LRRC37A2: variants seen among roughly 807,000 people sequenced by gnomAD.
The protein encoded by LRRC37A2 is leucine rich repeat containing 37 member A2.
In LRRC37A2, 9 loss-of-function variants were observed where a neutral mutation model predicts 68.8. The ratio of observed to expected loss-of-function variants is 0.13; its 90% CI spans 0.08 to 0.23. The LOEUF (loss-of-function observed/expected upper bound fraction) is 0.23. Ranked by LOEUF, LRRC37A2 falls within the 10% of genes least tolerant of loss-of-function variation. The pLI is 1.00. For missense variants in LRRC37A2, 168 were observed against 950.4 expected (o/e 0.18, Z 10.82); for synonymous variants, 63 against 367.6 (o/e 0.17, Z 9.48).
chr17:46,945,409 A>G, the LRRC37A2 span, among the ~76,000 whole-genome samples: 74 of 152,198 alleles, frequency 4.9e-4, 1 homozygote, highest in Admixed American at 1.2e-3. Flanking sequence ...TTGAGGTGCA[A>G]CGTAGTGTGA....
the LRRC37A2 span, among the ~76,000 whole-genome samples, chr17:46,826,964 A>G: frequency 8.1e-3 from 1,233 of 152,200 alleles, 18 homozygotes; most frequent in African/African-American, 0.029. Flanking sequence ...TTTAATAGAG[A>G]TAGAATTTCA....
chr17:46,894,244 C>T, the LRRC37A2 span, among the ~76,000 whole-genome samples: 58 of 152,354 alleles, frequency 3.8e-4, no homozygotes, highest in African/African-American at 1.3e-3. Context: ...GATGCAGCCA[C>T]GTCCTCAATG....
chr17:46,558,015 G>C (rs1223126377), downstream of LRRC37A2, among the ~76,000 whole-genome samples: 1 of 137,120 alleles, frequency 7.3e-6, no homozygotes, highest in Admixed American at 7.4e-5. Context: ...CATTGAAAAA[G>C]GCTGCCAGAG....
the LRRC37A2 span, among the ~76,000 whole-genome samples, chr17:46,987,494 T>C: frequency 1.3e-5 from 2 of 152,156 alleles, no homozygotes; most frequent in Non-Finnish European, 2.9e-5. Flanking sequence ...AATTATATTT[T>C]TTGAAAAAGA....
chr17:47,030,052 GA>G, the LRRC37A2 span, among the ~76,000 whole-genome samples: 1 of 145,452 alleles, frequency 6.9e-6, no homozygotes, highest in African/African-American at 2.5e-5. Flanking sequence ...GACAGAGTGA[GA>G]CTCTGTCTCA....
At chr17:46,687,193 TA>T in the LRRC37A2 span, among the ~76,000 whole-genome samples, 2 of 70,822 alleles carry the variant, frequency 2.8e-5, no homozygotes. Flanking sequence ...GTCCTGCTTT[TA>T]TATTCCTCCA....
the LRRC37A2 span, among the ~76,000 whole-genome samples, chr17:46,895,889 C>A: frequency 6.6e-6 from 1 of 152,052 alleles, no homozygotes; most frequent in East Asian, 1.9e-4. Context: ...GGGAGCAGGG[C>A]CTGATCTGAG....
chr17:46,752,552 C>T, the LRRC37A2 span, among the ~76,000 whole-genome samples: 2 of 152,166 alleles, frequency 1.3e-5, no homozygotes, highest in African/African-American at 4.8e-5. Context: ...ACCTCGCAGG[C>T]TCAGGCGTTC....
At chr17:46,990,332 T>C in the LRRC37A2 span, among the ~76,000 whole-genome samples, 25 of 152,350 alleles carry the variant, frequency 1.6e-4, no homozygotes, top group East Asian at 4.8e-3. Context: ...TCAAGATAAC[T>C]TTTTATCAGT....
the LRRC37A2 span, among the ~76,000 whole-genome samples, chr17:46,780,591 A>AG: frequency 6.6e-6 from 1 of 152,114 alleles, no homozygotes; most frequent in Non-Finnish European, 1.5e-5. Flanking sequence ...GATCGAGACC[A>AG]CGGTGAAACC....
chr17:46,869,182 A>G, the LRRC37A2 span, among the ~76,000 whole-genome samples: 1 of 152,160 alleles, frequency 6.6e-6, no homozygotes, highest in Non-Finnish European at 1.5e-5. Flanking sequence ...TTTCCTGGTC[A>G]TTAATCGCTA....
chr17:46,771,881 C>CGCCCCCGCCCCT, the LRRC37A2 span, among the ~76,000 whole-genome samples: 36 of 144,882 alleles, frequency 2.5e-4, 1 homozygote, highest in East Asian at 5.4e-3. Flanking sequence ...CTCCGGCGCC[C>CGCCCCCGCCCCT]GCCCCCGCCC....
the LRRC37A2 span, among the ~76,000 whole-genome samples, chr17:46,792,930 A>G: frequency 2.0e-5 from 3 of 152,070 alleles, no homozygotes; most frequent in Non-Finnish European, 4.4e-5. Flanking sequence ...TGACTCGTCT[A>G]AAGTCACATA....
At chr17:46,977,348 G>A in the LRRC37A2 span, among the ~76,000 whole-genome samples, 1 of 152,234 alleles carries the variant, frequency 6.6e-6, no homozygotes, top group East Asian at 1.9e-4. Flanking sequence ...CCGCTTGAGC[G>A]GGGTTGGCAC....
At chr17:46,742,186 G>A in the LRRC37A2 span, among the ~76,000 whole-genome samples, 4 of 152,178 alleles carry the variant, frequency 2.6e-5, no homozygotes, top group African/African-American at 9.7e-5. Flanking sequence ...ACTTTGGCAC[G>A]AAGCATACAT....
the LRRC37A2 span, among the ~76,000 whole-genome samples, chr17:46,863,449 C>A: frequency 1.3e-5 from 2 of 152,142 alleles, no homozygotes; most frequent in African/African-American, 4.8e-5. Context: ...CAGGATACAG[C>A]TTTGAAGAGG....
chr17:46,924,890 G>T, the LRRC37A2 span, among the ~76,000 whole-genome samples: 1 of 152,142 alleles, frequency 6.6e-6, no homozygotes. Flanking sequence ...GTTATGTATG[G>T]TCTTATCTAG....
At chr17:46,906,563 C>G in the LRRC37A2 span, among the ~76,000 whole-genome samples, 1 of 152,228 alleles carries the variant, frequency 6.6e-6, no homozygotes, top group African/African-American at 2.4e-5. Flanking sequence ...GCTGAGACTA[C>G]AGGTGCATGC....
the LRRC37A2 span, among the ~76,000 whole-genome samples, chr17:46,473,774 C>T: frequency 1.0e-4 from 7 of 67,754 alleles, no homozygotes; most frequent in African/African-American, 4.1e-4. Context: ...CACATGCCTA[C>T]AATCCCAGCT....
Sources: gnomAD v4.1 joint callset for allele counts (sites outside exome capture counted in the v4.1 genomes callset) on GRCh38, gnomAD v4.1.1 for gene constraint, MANE v1.5 for transcripts, NCBI Gene and HGNC (gene_info 2026-07-23, HGNC 2026-07-21) for gene names.